The following NUSAP1 variants were observed in gnomAD, a reference collection of about 807,000 sequenced individuals.
NUSAP1 encodes the protein nucleolar and spindle associated protein 1.
In NUSAP1, 32 loss-of-function variants were observed where a neutral mutation model predicts 52.8. That is an observed-to-expected ratio of 0.61 (90% CI 0.46 to 0.81). NUSAP1 has a LOEUF of 0.81. Ranked by LOEUF, NUSAP1 falls within the 40% of genes least tolerant of loss-of-function variation. NUSAP1 has a pLI of 0.00. For missense variants in NUSAP1, 499 were observed against 522.3 expected (o/e 0.96, Z 0.43); for synonymous variants, 195 against 183.1 (o/e 1.06, Z -0.52).
rs57501156 is a variant in NUSAP1 at position 41,368,728 on chromosome 15, CTTTTTTTTTTTT to C, written c.849-2786_849-2775del. Among the ~76,000 whole-genome samples, 24 of 77,920 alleles carry C rather than the reference CTTTTTTTTTTTT, an allele frequency of 3.1e-4. No individual in the cohort carries two copies. In the East Asian group the frequency reaches 0.01, roughly 33 times the overall value. 51.1% of individuals were successfully genotyped at this position (77,920 alleles called of 152,430 possible). On this transcript the variant is annotated intron_variant, in intron 7 of 10. Transcript: ENST00000559596. ...ACATAATTGTATTTTTTATTTTATT[CTTTTTTTTTTTT>C]TTTTTTTTTTTTGAGACAGTATTGC...
At chr15:41,369,556 G>C (rs1374613599) in intron 7 of NUSAP1, among the ~76,000 whole-genome samples, 1 of 151,960 alleles carries the variant, frequency 6.6e-6, no homozygotes, top group Non-Finnish European at 1.5e-5. Context: ...GCTGAGGCAA[G>C]AGAATCGCGT....
chr15:41,333,568 T>C (rs1193272924), intron 1 of NUSAP1, among the ~76,000 whole-genome samples: 1 of 152,164 alleles, frequency 6.6e-6, no homozygotes, highest in African/African-American at 2.4e-5. Context: ...TATTGATGAC[T>C]GTTGGGTTGA....
chr15:41,372,412 G>A (rs903026141), intron 8 of NUSAP1, among the ~76,000 whole-genome samples: 16 of 152,168 alleles, frequency 1.1e-4, no homozygotes, highest in African/African-American at 3.4e-4. Context: ...GTGGGTATAT[G>A]TCAGTTTATC....
In NUSAP1 at chr15:41,368,394, G is replaced by A. The variant is rs548484127; in HGVS notation, c.848+2805G>A. 2.6e-5 allele frequency among the ~76,000 whole-genome samples: 4 copies of A among 152,270 alleles called. No individual in the cohort carries two copies. The South Asian group carries it at 6.2e-4, about 24-fold the overall frequency. ...CTTTTCCATTGACTTAAATATAGAAGTGAAGCTAAATGCTTACAGAAAGTA... is the reference window on the plus strand; with the variant it reads ...CTTTTCCATTGACTTAAATATAGAAATGAAGCTAAATGCTTACAGAAAGTA... On this transcript the variant is annotated intron_variant, in intron 7 of 10. Coordinates refer to ENST00000559596, the MANE Select transcript of NUSAP1 (RefSeq NM_016359.5).
At chr15:41,350,950 TA>T (rs779705461) in intron 3 of NUSAP1, 37 bp from the exon 4 acceptor site, 1,214 of 1,551,070 alleles carry the variant, frequency 7.8e-4, no homozygotes, top group Non-Finnish European at 9.9e-4. Context: ...AATTCTTATT[TA>T]TCATCGAAAT....
chr15:41,373,543 G>A (rs2049798577), intron 8 of NUSAP1, among the ~76,000 whole-genome samples: 1 of 145,678 alleles, frequency 6.9e-6, no homozygotes, highest in African/African-American at 2.6e-5. Context: ...TCCGCCTCCT[G>A]GGTTCACGCC....
At chr15:41,356,009 C>A in intron 4 of NUSAP1, 30 bp from the exon 5 acceptor site, 2 of 1,401,020 alleles carry the variant, frequency 1.4e-6, no homozygotes, top group Non-Finnish European at 2.0e-6. Flanking sequence ...TTTTTGAAAT[C>A]CTTCATTATT....
intron 5 of NUSAP1, among the ~76,000 whole-genome samples, chr15:41,357,132 C>T (rs955945422): frequency 1.3e-4 from 20 of 152,008 alleles, no homozygotes; most frequent in African/African-American, 4.8e-4. Context: ...CTTTGGGAGG[C>T]CCAGGGGGCT....
rs1189616572 is a variant in NUSAP1, at chr15:41,371,587, A to G, written c.909A>G (p.Arg303=). 3.1e-6 allele frequency: 5 copies of G among 1,611,828 alleles called. No individual in the cohort carries two copies. In the African/African-American group the frequency reaches 6.7e-5, roughly 22 times the overall value. Residue 303 remains arginine, a synonymous_variant, in exon 8 of 11, where the codon AGA becomes AGG. Transcript: ENST00000559596. ...GTTCACTGACCAAGACTCCAGCCAG[A>G]AAGTCTGCACATGTGACCGTGTCTG... ...HKRSLTKTPA[R]KSAHVTVSGG...
At chr15:41,367,038 A>C (rs936523657) in intron 7 of NUSAP1, among the ~76,000 whole-genome samples, 5 of 152,150 alleles carry the variant, frequency 3.3e-5, no homozygotes, top group Admixed American at 6.6e-5. Context: ...CTAGGCTAAG[A>C]GAGTTGGTGG....
chr15:41,375,630 AT>A (rs2049898441), intron 8 of NUSAP1, 81 bp from the exon 9 acceptor site: 2 of 932,950 alleles, frequency 2.1e-6, no homozygotes, highest in Non-Finnish European at 3.5e-6. Flanking sequence ...TATTTTTAAG[AT>A]TGAGAAGTAA....
intron 2 of NUSAP1, among the ~76,000 whole-genome samples, chr15:41,347,173 A>G (rs554415931): frequency 1.3e-5 from 2 of 152,228 alleles, no homozygotes; most frequent in East Asian, 3.9e-4. Context: ...CTCTGTCTCA[A>G]AACAAAAAAA....
At chr15:41,371,807 GT>G (rs1202370431) in intron 8 of NUSAP1, 123 bp downstream of exon 8, 9 of 1,144,442 alleles carry the variant, frequency 7.9e-6, no homozygotes, top group Non-Finnish European at 9.7e-6. Context: ...TTTCGCTTTT[GT>G]CACCCAGGCT....
chr15:41,379,389 T>C (rs761353384), intron 10 of NUSAP1, among the ~76,000 whole-genome samples: 8 of 152,096 alleles, frequency 5.3e-5, no homozygotes, highest in Non-Finnish European at 1.2e-4. Flanking sequence ...CTTGAACTCC[T>C]GGGCACAAGG....
At chr15:41,358,358 C>T (rs747825910) in intron 6 of NUSAP1, 100 bp downstream of exon 6, 2 of 627,070 alleles carry the variant, frequency 3.2e-6, no homozygotes, top group Non-Finnish European at 5.7e-6. Flanking sequence ...GTCACTCTAC[C>T]AGTAGATTTG....
chr15:41,367,699 G>A (rs750527073), intron 7 of NUSAP1, among the ~76,000 whole-genome samples: 2 of 152,172 alleles, frequency 1.3e-5, no homozygotes, highest in Non-Finnish European at 2.9e-5. Flanking sequence ...GTATTCTCCC[G>A]TAGTAAGGAC....
chr15:41,356,182 C>T, intron 5 of NUSAP1, 42 bp downstream of exon 5: 1 of 1,130,944 alleles, frequency 8.8e-7, no homozygotes, highest in Non-Finnish European at 1.3e-6. Context: ...ATGGTTGCCC[C>T]ACTTCGGAAT....
At chr15:41,348,193 C>T (rs2048651899) in intron 2 of NUSAP1, among the ~76,000 whole-genome samples, 1 of 152,164 alleles carries the variant, frequency 6.6e-6, no homozygotes, top group Non-Finnish European at 1.5e-5. Flanking sequence ...TAACTCCTGG[C>T]TTAGCCTCCT....
chr15:41,333,476 G>C (rs2047998852), intron 1 of NUSAP1, among the ~76,000 whole-genome samples: 1 of 151,928 alleles, frequency 6.6e-6, no homozygotes, highest in Non-Finnish European at 1.5e-5. Flanking sequence ...TAATATTGCC[G>C]ATAATCTCTT....
Sources: allele counts gnomAD v4.1 joint callset (sites outside exome capture counted in the v4.1 genomes callset), GRCh38; gene constraint gnomAD v4.1.1; transcripts MANE v1.5; gene names NCBI Gene and HGNC (gene_info 2026-07-23, HGNC 2026-07-21).